PLAU: variants seen among roughly 807,000 people sequenced by gnomAD.
The protein encoded by PLAU is urokinase-type plasminogen activator.
PLAU carries 32 observed loss-of-function variants against 48.9 expected under a neutral mutation model. The ratio of observed to expected loss-of-function variants is 0.65; its 90% CI spans 0.49 to 0.88. The LOEUF is 0.88. Among genes scored for constraint, PLAU ranks in the 40% least tolerant of loss-of-function variants. PLAU has a pLI of 0.00. For synonymous variants in PLAU, 199 were observed against 205.7 expected, an observed-to-expected ratio of 0.97 and a Z score of 0.28; for missense variants, 455 against 545.2, an observed-to-expected ratio of 0.83 and a Z score of 1.65.
At chr10:73,913,122 A>G (rs1433485550) in intron 5 of PLAU, 24 bp downstream of exon 5, 17 of 1,608,246 alleles carry the variant, frequency 1.1e-5, no homozygotes, top group Non-Finnish European at 1.4e-5. Flanking sequence ...AACAAGGACC[A>G]AAAGCCCTCC....
In PLAU at chr10:73,915,471, T is replaced by C; in HGVS notation, c.1119+72T>C. The C allele has an allele frequency of 2.1e-6, 3 of 1,436,998 alleles. No individual in the cohort carries two copies. In the South Asian group the frequency reaches 4.1e-5, roughly 20 times the overall value. The allele number at this position is 1,436,998 out of a possible 1,614,324, so 89.0% of individuals were successfully genotyped here. A position where few individuals can be genotyped will look rare whatever the true frequency, so the allele number is the denominator to read the frequency against. ...AGCTCCTGGGCTTGTTCCAGCCAGC[T>C]TAAGGGTGTCTCTCTCTAGCCAAAG... On this transcript the variant is annotated intron_variant, in intron 10 of 10. Transcript: ENST00000372764.
chr10:73,910,121 T>G (rs570460716), upstream of PLAU: 12 of 152,360 alleles, frequency 7.9e-5, no homozygotes, highest in South Asian at 2.1e-4. Context: ...ATGTGCTTTT[T>G]AAAATGTTAA....
At chr10:73,912,792 A>T in intron 4 of PLAU, 132 bp from the exon 5 acceptor site, 1 of 668,512 alleles carries the variant, frequency 1.5e-6, no homozygotes, top group Non-Finnish European at 2.5e-6. Flanking sequence ...CAGAGATCTC[A>T]GTGAGCTGAG....
At position 73,915,827 on chromosome 10, in the gene PLAU, G is replaced by C. The variant is rs184167945; in HGVS notation, c.1119+428G>C. ...TTTCAGTTGAAAGATACAAAACTGA[G>C]AAGGAGGCTGGCATATTCCGGGTGG... On this transcript the variant is annotated intron_variant, in intron 10 of 10. Coordinates refer to ENST00000372764, the MANE Select transcript of PLAU (RefSeq NM_002658.6). Among the ~76,000 whole-genome samples, 308 of 152,334 alleles carry C rather than the reference G, an allele frequency of 2.0e-3. 3 individuals carry two copies. Among genetic ancestry groups the C allele is most frequent in the East Asian group, 2.3e-3 (12 of 5,190 alleles).
Position 73,914,058 on chromosome 10 carries a change from G to A in PLAU, c.759G>A (p.Lys253=). 1.2e-6 allele frequency: 2 copies of A among 1,614,110 alleles called. No individual in the cohort carries two copies. Among genetic ancestry groups the A allele is most frequent in the Non-Finnish European group, 1.7e-6 (2 of 1,179,932 alleles). ...RLNSNTQGEM[K]FEVENLILHK... ...ACTCCAACACGCAAGGGGAGATGAA[G>A]TTTGAGGTGGAAAACCTCATCCTAC... The change falls in exon 8 of 11, where the codon AAG becomes AAA. Residue 253 remains lysine (K), a synonymous_variant. Transcript: ENST00000372764.
chr10:73,911,193 C>T lies in PLAU; in HGVS notation c.-57C>T, dbSNP rs1007309028. 34 of 302,166 alleles carry T rather than the reference C, an allele frequency of 1.1e-4. No individual in the cohort carries two copies. The highest frequency in any genetic ancestry group is 6.3e-4 in the African/African-American group (28 of 44,346). 18.7% of individuals were successfully genotyped at this position (302,166 alleles called of 1,614,324 possible). A position where few individuals can be genotyped will look rare whatever the true frequency, so the allele number is the denominator to read the frequency against. On this transcript the variant is annotated 5_prime_UTR_variant, in exon 1 of 11. Coordinates refer to ENST00000372764, the MANE Select transcript of PLAU (RefSeq NM_002658.6). Reference sequence around the variant, plus strand: ...GGTCCACCTGTCCCCGCAGCGCCGGCTCGCGCCCTCCTGCCGCAGCCACCG... The same window carrying T: ...GGTCCACCTGTCCCCGCAGCGCCGGTTCGCGCCCTCCTGCCGCAGCCACCG...
chr10:73,915,161 G>A, intron 9 of PLAU, 90 bp from the exon 10 acceptor site: 2 of 1,361,036 alleles, frequency 1.5e-6, no homozygotes, highest in Non-Finnish European at 2.0e-6. Flanking sequence ...GGCCTTCCCT[G>A]GTAGAGATAC....
rs763969436 is a variant in PLAU, at chr10:73,913,388, A to G, written c.460+7A>G. 18 of 1,611,428 alleles carry G rather than the reference A, an allele frequency of 1.1e-5. No individual in the cohort carries two copies. The Admixed American group carries it at 2.8e-4, about 25-fold the overall frequency. On this transcript the variant is annotated splice_region_variant and intron_variant, in intron 6 of 10. Coordinates refer to ENST00000372764, the MANE Select transcript of PLAU (RefSeq NM_002658.6). ...GTGCATGACTGCGCAGATGGTGAGC[A>G]TCACTGACCTGCTGATGACAGTGGG...
At chr10:73,913,473 G>C in intron 6 of PLAU, 66 bp from the exon 7 acceptor site, 3 of 1,555,232 alleles carry the variant, frequency 1.9e-6, no homozygotes, top group Non-Finnish European at 2.7e-6. Flanking sequence ...GAGGAGGTGG[G>C]GGGTGCCCGA....
Position 73,913,076 on chromosome 10 carries a change from C to G in PLAU, c.346C>G (p.Leu116Val), listed in dbSNP as rs1466182236. The change falls in exon 5 of 11, where the codon CTG (leucine) becomes GTG (valine). Residue 116 changes from leucine (L) to valine (V), a missense_variant. Transcript: ENST00000372764. ...AHRSDALQLG[L>V]GKHNYCRNPD... Reference sequence around the variant, plus strand: ...CAGATCTGATGCTCTTCAGCTGGGCCTGGGGAAACATAATTACTGCAGGTG... The same window carrying G: ...CAGATCTGATGCTCTTCAGCTGGGCGTGGGGAAACATAATTACTGCAGGTG... 1 of 1,613,894 alleles carries G rather than the reference C, an allele frequency of 6.2e-7. No homozygotes were observed. Among genetic ancestry groups the G allele is most frequent in the Non-Finnish European group, 8.5e-7 (1 of 1,179,938 alleles).
Position 73,913,526 on chromosome 10 carries a change from G to A in PLAU, c.461-13G>A, listed in dbSNP as rs763622420. The A allele has an allele frequency of 1.6e-5, 25 of 1,607,026 alleles. No homozygotes were observed. In the African/African-American group the frequency reaches 2.5e-4, roughly 16 times the overall value. ...ACCTGCCTCCCTAAGACATCCCTCT[G>A]TTTGTCCTCCAGGAAAAAAGCCCTC... On this transcript the variant is annotated splice_polypyrimidine_tract_variant and intron_variant, in intron 6 of 10. Transcript: ENST00000372764.
In PLAU at chr10:73,916,656, T is replaced by A. The variant is rs2096137724; in HGVS notation, c.*91T>A. 1.2e-5 allele frequency: 12 copies of A among 1,043,252 alleles called. No homozygotes were observed. Among genetic ancestry groups the A allele is most frequent in the Non-Finnish European group, 1.7e-5 (12 of 720,326 alleles). 64.6% of individuals were successfully genotyped at this position (1,043,252 alleles called of 1,614,324 possible). A position where few individuals can be genotyped will look rare whatever the true frequency, so the allele number is the denominator to read the frequency against. ...ATCTCCATCAGCTGTAAGAAGAGAC[T>A]GGGAAGATAGGCTCTGCACAGATGG... On this transcript the variant is annotated 3_prime_UTR_variant, in exon 11 of 11. Transcript: ENST00000372764.
At position 73,913,073 on chromosome 10, in the gene PLAU, G is replaced by A; in HGVS notation, c.343G>A (p.Gly115Ser). The A allele has an allele frequency of 6.2e-7, 1 of 1,613,864 alleles. No individual in the cohort carries two copies. Among genetic ancestry groups the A allele is most frequent in the Admixed American group, 1.7e-5 (1 of 59,914 alleles). The change falls in exon 5 of 11, where the codon GGC (glycine) becomes AGC (serine). Residue 115 changes from glycine to serine, a missense_variant. Gly to Ser is a moderately conservative substitution (Grantham distance 56). Transcript: ENST00000372764. Reference sequence around the variant, plus strand: ...CCACAGATCTGATGCTCTTCAGCTGGGCCTGGGGAAACATAATTACTGCAG... The same window carrying A: ...CCACAGATCTGATGCTCTTCAGCTGAGCCTGGGGAAACATAATTACTGCAG... ...HAHRSDALQLGLGKHNYCRNP... is the reference protein window; with the variant it reads ...HAHRSDALQLSLGKHNYCRNP...
chr10:73,915,434 A>G lies in PLAU; in HGVS notation c.1119+35A>G, dbSNP rs1163955067. Reference sequence around the variant, plus strand: ...CCAAGCATCTCTCTCCACCTCTTCCATATCTCCCCAGAGCTCCTGGGCTTG... The same window carrying G: ...CCAAGCATCTCTCTCCACCTCTTCCGTATCTCCCCAGAGCTCCTGGGCTTG... On this transcript the variant is annotated intron_variant, in intron 10 of 10. Coordinates refer to ENST00000372764, the MANE Select transcript of PLAU (RefSeq NM_002658.6). 2.6e-6 allele frequency: 4 copies of G among 1,563,624 alleles called. No homozygotes were observed. In the South Asian group the frequency reaches 3.6e-5, roughly 14 times the overall value.
intron 10 of PLAU, 57 bp downstream of exon 10, chr10:73,915,456 C>G (rs1359893633): frequency 5.3e-6 from 8 of 1,495,832 alleles, no homozygotes; most frequent in Non-Finnish European, 7.2e-6. Flanking sequence ...AGCTCCTGGG[C>G]TTGTTCCAGC....
chr10:73,911,805 G>A (rs568342316), intron 2 of PLAU, 193 bp downstream of exon 2: 2 of 1,551,744 alleles, frequency 1.3e-6, no homozygotes, highest in African/African-American at 2.7e-5. Flanking sequence ...GGCAAGGGAG[G>A]AAGAGGCCGC....
Position 73,913,078 on chromosome 10 carries a change from G to A in PLAU, c.348G>A (p.Leu116=), listed in dbSNP as rs779641569. The A allele has an allele frequency of 1.9e-6, 3 of 1,613,668 alleles. No homozygotes were observed. Among genetic ancestry groups the A allele is most frequent in the Admixed American group, 1.7e-5 (1 of 59,888 alleles). ...AHRSDALQLG[L]GKHNYCRNPD... is the part of the protein sequence containing the mutation. ...GATCTGATGCTCTTCAGCTGGGCCT[G>A]GGGAAACATAATTACTGCAGGTGAG... The change falls in exon 5 of 11, where the codon CTG becomes CTA. Residue 116 remains leucine, a synonymous_variant. Coordinates refer to ENST00000372764, the MANE Select transcript of PLAU (RefSeq NM_002658.6).
In PLAU at chr10:73,914,010, C is replaced by A; in HGVS notation, c.711C>A (p.Val237=). 6.2e-7 allele frequency: 1 copy of A among 1,614,008 alleles called. No individual in the cohort carries two copies. Among genetic ancestry groups the A allele is most frequent in the Non-Finnish European group, 8.5e-7 (1 of 1,179,830 alleles). Residue 237 remains valine, a synonymous_variant, in exon 8 of 11, where the codon GTC becomes GTA. Coordinates refer to ENST00000372764, the MANE Select transcript of PLAU (RefSeq NM_002658.6). ...IDYPKKEDYI[V]YLGRSRLNSN... is the part of the protein sequence containing the mutation. ...ACCCAAAGAAGGAGGACTACATCGT[C>A]TACCTGGGTCGCTCAAGGCTTAACT...
chr10:73,915,874 A>G (rs189541006), intron 10 of PLAU, among the ~76,000 whole-genome samples: 102 of 152,178 alleles, frequency 6.7e-4, no homozygotes, highest in African/African-American at 2.4e-3. Flanking sequence ...AGGGTCTGGG[A>G]GTGTGGATGG....
Sources: gnomAD v4.1 joint callset for allele counts (sites outside exome capture counted in the v4.1 genomes callset) on GRCh38, gnomAD v4.1.1 for gene constraint, MANE v1.5 for transcripts, NCBI Gene and HGNC (gene_info 2026-07-23, HGNC 2026-07-21) for gene names.